The following PDE1A variants were observed in gnomAD, a reference collection of about 807,000 sequenced individuals.
The protein encoded by PDE1A is dual specificity calcium/calmodulin-dependent 3',5'-cyclic nucleotide phosphodiesterase 1A.
Under a neutral mutation model 61.7 loss-of-function variants are expected in PDE1A, and 35 were observed. The ratio of observed to expected loss-of-function variants is 0.57; its 90% CI spans 0.43 to 0.75. The LOEUF is 0.75. Among genes scored for constraint, PDE1A ranks in the 30% least tolerant of loss-of-function variants. The pLI is 0.00. For synonymous variants in PDE1A, 232 were observed against 213.2 expected (o/e 1.09, Z -0.77); for missense variants, 597 against 630.6 (o/e 0.95, Z 0.57).
At chr2:182,245,178 C>G (rs1864852) in intron 2 of PDE1A, among the ~76,000 whole-genome samples, 108,342 of 152,078 alleles carry the variant, frequency 0.71, 39,042 homozygotes, top group African/African-American at 0.83. Context: ...ATCTCAGGCA[C>G]CTTCTTCATT....
At chr2:182,484,939 A>G (rs192253539) in intron 2 of PDE1A, among the ~76,000 whole-genome samples, 2 of 152,082 alleles carry the variant, frequency 1.3e-5, no homozygotes, top group Admixed American at 1.3e-4. Flanking sequence ...AGTTCAACCA[A>G]TGTGAAAGAC....
At chr2:182,653,542 A>G in the PDE1A span, among the ~76,000 whole-genome samples, 4 of 152,308 alleles carry the variant, frequency 2.6e-5, no homozygotes, top group South Asian at 2.1e-4. Context: ...TAAATCATAC[A>G]TTCTGTAAGT....
chr2:182,226,182 T>C (rs1219811261), intron 6 of PDE1A, among the ~76,000 whole-genome samples: 1 of 149,960 alleles, frequency 6.7e-6, no homozygotes, highest in African/African-American at 2.5e-5. Flanking sequence ...CAGCATTCAT[T>C]ATCTACTATG....
chr2:182,457,453 A>C (rs1686000752), intron 2 of PDE1A, among the ~76,000 whole-genome samples: 1 of 152,086 alleles, frequency 6.6e-6, no homozygotes, highest in Admixed American at 6.6e-5. Context: ...CAAAAAAATT[A>C]GATAAAAATC....
the PDE1A span, among the ~76,000 whole-genome samples, chr2:182,663,417 A>G: frequency 6.6e-6 from 1 of 152,218 alleles, no homozygotes; most frequent in Non-Finnish European, 1.5e-5. Context: ...AGACATGGAA[A>G]CAACCTTAAT....
intron 10 of PDE1A, 46 bp downstream of exon 10, chr2:182,201,393 C>G (rs1559175108): frequency 1.2e-6 from 2 of 1,606,944 alleles, no homozygotes; most frequent in African/African-American, 1.3e-5. Flanking sequence ...CTAATATGCA[C>G]AGTCACTATT....
intron 1 of PDE1A, among the ~76,000 whole-genome samples, chr2:182,400,480 G>A (rs79724945): frequency 3.9e-5 from 6 of 152,150 alleles, no homozygotes; most frequent in Non-Finnish European, 8.8e-5. Context: ...CAGAACACAT[G>A]TGTTTGTTTT....
At chr2:182,676,290 A>G in the PDE1A span, among the ~76,000 whole-genome samples, 1 of 152,180 alleles carries the variant, frequency 6.6e-6, no homozygotes, top group Non-Finnish European at 1.5e-5. Flanking sequence ...AAACACCTCT[A>G]CACACAAAAA....
chr2:182,607,252 T>C, the PDE1A span, among the ~76,000 whole-genome samples: 113 of 152,272 alleles, frequency 7.4e-4, no homozygotes, highest in African/African-American at 2.6e-3. Flanking sequence ...CATAAGATAA[T>C]TGTAACTTTC....
the PDE1A span, among the ~76,000 whole-genome samples, chr2:182,699,671 A>G: frequency 2.0e-5 from 3 of 152,240 alleles, no homozygotes; most frequent in African/African-American, 7.2e-5. Context: ...TAGCATGATA[A>G]GATGCCATTC....
chr2:182,366,527 C>T (rs1232167576), intron 1 of PDE1A, among the ~76,000 whole-genome samples: 1 of 151,924 alleles, frequency 6.6e-6, no homozygotes, highest in Admixed American at 6.6e-5. Context: ...ATTTAATAAC[C>T]TATTGTTTTT....
the PDE1A span, among the ~76,000 whole-genome samples, chr2:182,601,324 T>G: frequency 2.0e-5 from 3 of 152,200 alleles, no homozygotes; most frequent in Non-Finnish European, 2.9e-5. Context: ...CCAGCTACAC[T>G]GCAAGCAGCT....
At chr2:182,709,204 T>C in the PDE1A span, among the ~76,000 whole-genome samples, 1 of 152,096 alleles carries the variant, frequency 6.6e-6, no homozygotes, top group Non-Finnish European at 1.5e-5. Flanking sequence ...ACCCATACTT[T>C]CCTTTAATTC....
At chr2:182,319,792 A>C (rs1696583490) in intron 1 of PDE1A, among the ~76,000 whole-genome samples, 1 of 152,210 alleles carries the variant, frequency 6.6e-6, no homozygotes, top group Non-Finnish European at 1.5e-5. Flanking sequence ...TGACAAAGTA[A>C]ATAAAGATGA....
At chr2:182,425,987 A>G (rs1410521663) in intron 1 of PDE1A, among the ~76,000 whole-genome samples, 1 of 152,250 alleles carries the variant, frequency 6.6e-6, no homozygotes, top group Non-Finnish European at 1.5e-5. Context: ...ACCTCCCTCC[A>G]AAATTAAACT....
the PDE1A span, among the ~76,000 whole-genome samples, chr2:182,687,311 G>C: frequency 6.6e-6 from 1 of 152,192 alleles, no homozygotes; most frequent in Admixed American, 6.5e-5. Flanking sequence ...ACCACACAGG[G>C]CTGGGTTTCC....
At chr2:182,233,807 ACACACAC>A (rs1689778838) in intron 4 of PDE1A, among the ~76,000 whole-genome samples, 2 of 148,570 alleles carry the variant, frequency 1.3e-5, no homozygotes, top group African/African-American at 2.6e-5. Flanking sequence ...ACACACACAC[ACACACAC>A]AATGAGGCAA....
chr2:182,349,733 C>G (rs773191649), intron 1 of PDE1A, among the ~76,000 whole-genome samples: 11 of 152,110 alleles, frequency 7.2e-5, no homozygotes, highest in Non-Finnish European at 1.3e-4. Flanking sequence ...GCACTCCAGC[C>G]TGGCAGCAGA....
chr2:182,415,088 T>C (rs1309464523), intron 1 of PDE1A, among the ~76,000 whole-genome samples: 1 of 152,080 alleles, frequency 6.6e-6, no homozygotes, highest in Non-Finnish European at 1.5e-5. Flanking sequence ...GATAGAAGCA[T>C]TTTAAAAAAA....
Sources: gnomAD v4.1 joint callset for allele counts (sites outside exome capture counted in the v4.1 genomes callset) on GRCh38, gnomAD v4.1.1 for gene constraint, MANE v1.5 for transcripts, NCBI Gene and HGNC (gene_info 2026-07-23, HGNC 2026-07-21) for gene names.